The following PCDHA3 variants were observed in gnomAD, a reference collection of about 807,000 sequenced individuals.
PCDHA3 encodes the protein protocadherin alpha-3.
Under a neutral mutation model 62.2 loss-of-function variants are expected in PCDHA3, and 41 were observed. The ratio of observed to expected loss-of-function variants is 0.66; its 90% confidence interval spans 0.51 to 0.86. PCDHA3 has a LOEUF of 0.86. Among genes scored for constraint, PCDHA3 ranks in the 40% least tolerant of loss-of-function variants. The pLI is 0.00. For synonymous variants in PCDHA3, 640 were observed against 555.4 expected (o/e 1.15, Z -2.14); for missense variants, 1,304 against 1,241.2 (o/e 1.05, Z -0.76).
chr5:140,808,107 A>G (rs145409201), intron 1 of PCDHA3: 21,957 of 1,613,848 alleles, frequency 0.014, 186 homozygotes, highest in South Asian at 0.027. Context: ...GTAAAGGGAT[A>G]TATTGACTTT....
chr5:140,924,887 C>A (rs528979895), intron 1 of PCDHA3, among the ~76,000 whole-genome samples: 1 of 126,448 alleles, frequency 7.9e-6, no homozygotes, highest in African/African-American at 3.2e-5. Flanking sequence ...AGAGCAAGAA[C>A]CTGTCTCAAA....
chr5:141,009,732 A>G lies in PCDHA3; in HGVS notation c.2648A>G (p.Glu883Gly). ...AACCCCAAACAATCCGGTCCCGGTG[A>G]GTTGCCCGACAAATTCATTATCCCA... is the stretch of plus-strand genomic sequence containing the variant. Reference protein sequence around the residue: ...PGNPKQSGPGELPDKFIIPGS... With the variant: ...PGNPKQSGPGGLPDKFIIPGS... Residue 883 changes from glutamate to glycine, a missense_variant, in exon 4 of 4, where the codon GAG becomes GGG. Transcript: ENST00000522353. The G allele has an allele frequency of 6.2e-7, 1 of 1,614,168 alleles. No individual in the cohort carries two copies. Among genetic ancestry groups the G allele is most frequent in the Non-Finnish European group, 8.5e-7 (1 of 1,180,032 alleles).
intron 1 of PCDHA3, chr5:140,830,494 A>T (rs2150187219): frequency 3.4e-6 from 5 of 1,472,568 alleles, no homozygotes; most frequent in Non-Finnish European, 4.5e-6. Flanking sequence ...AAGTAAGTGA[A>T]TTTTCATAAT....
intron 1 of PCDHA3, among the ~76,000 whole-genome samples, chr5:140,892,939 C>G (rs1583111138): frequency 6.6e-6 from 1 of 152,188 alleles, no homozygotes; most frequent in Non-Finnish European, 1.5e-5. Context: ...CTGATAAGCA[C>G]AATACTACTT....
rs201969686 is a variant in PCDHA3, at chr5:140,898,775, T to A, written c.2395-80174T>A. ...GATGGCATTGAATCTGTAAATTACC[T>A]TGGGCAGTATGGCCATTTTCACGAT... On this transcript the variant is annotated intron_variant, in intron 1 of 3. Coordinates refer to ENST00000522353, the MANE Select transcript of PCDHA3 (RefSeq NM_018906.3). 9.9e-4 allele frequency among the ~76,000 whole-genome samples: 151 copies of A among 152,312 alleles called. 1 individual carries two copies. The East Asian group carries it at 0.026, about 26-fold the overall frequency.
chr5:140,879,836 G>A, intron 1 of PCDHA3, among the ~76,000 whole-genome samples: 1 of 152,186 alleles, frequency 6.6e-6, no homozygotes, highest in Non-Finnish European at 1.5e-5. Flanking sequence ...GCTTGTGGCT[G>A]TACCACTCCC....
chr5:140,929,499 C>A, intron 1 of PCDHA3: 2 of 980,262 alleles, frequency 2.0e-6, no homozygotes, highest in Non-Finnish European at 2.8e-6. Context: ...GAAGATTGCC[C>A]TAGGCCTCAA....
chr5:140,882,859 GA>G (rs1554175853), intron 1 of PCDHA3: 4 of 1,614,192 alleles, frequency 2.5e-6, no homozygotes, highest in Non-Finnish European at 3.4e-6. Flanking sequence ...TTGTACTGAG[GA>G]AAACACTGGA....
chr5:140,897,424 T>G (rs2066099863), intron 1 of PCDHA3, among the ~76,000 whole-genome samples: 1 of 148,866 alleles, frequency 6.7e-6, no homozygotes, highest in Non-Finnish European at 1.5e-5. Flanking sequence ...CATCTATGAG[T>G]GAGAACATGC....
At chr5:141,001,997 CA>C (rs1587968703) in intron 3 of PCDHA3, among the ~76,000 whole-genome samples, 1 of 152,190 alleles carries the variant, frequency 6.6e-6, no homozygotes, top group Admixed American at 6.5e-5. Flanking sequence ...AGTTCACTTG[CA>C]AACACAGAAT....
At chr5:140,807,706 C>G in intron 1 of PCDHA3, 1 of 1,614,170 alleles carries the variant, frequency 6.2e-7, no homozygotes, top group Middle Eastern at 1.6e-4. Flanking sequence ...ACAGACTGAG[C>G]CCAAATGAAT....
At chr5:140,888,147 A>G (rs1182114974) in intron 1 of PCDHA3, among the ~76,000 whole-genome samples, 1 of 152,064 alleles carries the variant, frequency 6.6e-6, no homozygotes, top group African/African-American at 2.4e-5. Flanking sequence ...GCTGTTTTGC[A>G]TGACTGGTAA....
intron 3 of PCDHA3, among the ~76,000 whole-genome samples, chr5:141,000,900 G>A (rs1020896392): frequency 6.6e-6 from 1 of 151,614 alleles, no homozygotes; most frequent in African/African-American, 2.4e-5. Flanking sequence ...AGATATAGAC[G>A]CTGTCTCTAA....
chr5:140,846,704 T>C (rs1263410748), intron 1 of PCDHA3, among the ~76,000 whole-genome samples: 4 of 149,392 alleles, frequency 2.7e-5, no homozygotes, highest in African/African-American at 9.8e-5. Flanking sequence ...TAGAGAAGAT[T>C]GTAATAACCA....
In PCDHA3 at chr5:140,835,680, C is replaced by A. The variant is rs2150241824; in HGVS notation, c.2394+32089C>A. ...GGTTACCGCGCGGGACGGGGGCTCGCCTTCTCTGTGGGCCACTGCTAGCGT... is the reference window on the plus strand; with the variant it reads ...GGTTACCGCGCGGGACGGGGGCTCGACTTCTCTGTGGGCCACTGCTAGCGT... On this transcript the variant is annotated intron_variant, in intron 1 of 3. Coordinates refer to ENST00000522353, the MANE Select transcript of PCDHA3 (RefSeq NM_018906.3). The A allele has an allele frequency of 5.6e-6, 9 of 1,613,886 alleles. No homozygotes were observed. The Admixed American group carries it at 1.5e-4, about 27-fold the overall frequency.
At chr5:140,820,606 G>A (rs2150107398) in intron 1 of PCDHA3, among the ~76,000 whole-genome samples, 2 of 151,906 alleles carry the variant, frequency 1.3e-5, no homozygotes, top group Admixed American at 6.6e-5. Flanking sequence ...TTTCTAGGTC[G>A]TGTTCAAATC....
intron 1 of PCDHA3, chr5:140,835,748 C>T (rs2150243952): frequency 2.5e-6 from 4 of 1,613,326 alleles, no homozygotes; most frequent in African/African-American, 1.3e-5. Context: ...CCCCGGCGTT[C>T]GCGCAGCCCG....
intron 1 of PCDHA3, among the ~76,000 whole-genome samples, chr5:140,937,039 CTTT>C (rs34994034): frequency 1.4e-5 from 2 of 140,152 alleles, no homozygotes; most frequent in African/African-American, 5.3e-5. Flanking sequence ...TTCCATTTAT[CTTT>C]TTTTTTTTTT....
At chr5:140,811,570 G>T (rs868972680) in intron 1 of PCDHA3, 1 of 152,136 alleles carries the variant, frequency 6.6e-6, no homozygotes, top group African/African-American at 2.4e-5. Context: ...TTGAGGAATC[G>T]CCACACTGTC....
Sources: gnomAD v4.1 joint callset for allele counts (sites outside exome capture counted in the v4.1 genomes callset) on GRCh38, gnomAD v4.1.1 for gene constraint, MANE v1.5 for transcripts, NCBI Gene and HGNC (gene_info 2026-07-23, HGNC 2026-07-21) for gene names.